Variants in INTS7 observed in about 807,000 individuals in gnomAD.
INTS7 encodes integrator complex subunit 7.
Under a neutral mutation model 109.2 loss-of-function variants are expected in INTS7, and 46 were observed. The observed-to-expected ratio is 0.42, with a 90% CI of 0.33 to 0.54. The LOEUF is 0.54. Among genes scored for constraint, INTS7 ranks in the 20% least tolerant of loss-of-function variants. INTS7 has a pLI of 0.07. For missense variants in INTS7, 929 were observed against 1,132.4 expected, an observed-to-expected ratio of 0.82 and a Z score of 2.58; for synonymous variants, 412 against 402.9, an observed-to-expected ratio of 1.02 and a Z score of -0.27.
rs534435847 is a variant in INTS7, at chr1:212,015,646, T to G, written c.509+1240A>C. On this transcript the variant is annotated intron_variant, in intron 4 of 19. Coordinates refer to ENST00000366994, the MANE Select transcript of INTS7 (RefSeq NM_015434.4). ...GTTTATCTGCTGACCTTCCCTCCAC[T>G]ATTGTCCTATGACCCTGCCAAATCC... is the stretch of plus-strand genomic sequence containing the variant. 2.3e-5 allele frequency among the ~76,000 whole-genome samples: 3 copies of G among 129,156 alleles called. No individual in the cohort carries two copies. The East Asian group carries it at 7.5e-4, about 32-fold the overall frequency. The allele number at this position is 129,156 out of a possible 152,430, so 84.7% of individuals were successfully genotyped here.
At chr1:212,015,098 C>T (rs188385942) in intron 4 of INTS7, among the ~76,000 whole-genome samples, 3,922 of 141,834 alleles carry the variant, frequency 0.028, 54 homozygotes, top group African/African-American at 0.058. Flanking sequence ...GGGGGCGGCC[C>T]CCGCCCGGGC....
intron 14 of INTS7, 126 bp downstream of exon 14, chr1:211,968,387 G>T: frequency 2.6e-6 from 2 of 764,708 alleles, no homozygotes; most frequent in Non-Finnish European, 4.1e-6. Flanking sequence ...CCAGACAGTT[G>T]AGTGAATAAA....
intron 16 of INTS7, among the ~76,000 whole-genome samples, chr1:211,958,876 A>AG (rs910738566): frequency 6.6e-6 from 1 of 152,212 alleles, no homozygotes. Flanking sequence ...GCTACCACCA[A>AG]GGGACCAGGA....
At chr1:211,955,932 A>T (rs753255091) in intron 16 of INTS7, among the ~76,000 whole-genome samples, 18 of 152,332 alleles carry the variant, frequency 1.2e-4, no homozygotes, top group South Asian at 4.1e-4. Flanking sequence ...TGTATGATGG[A>T]CTTTAAGGAC....
At chr1:211,968,456 A>C in intron 14 of INTS7, 57 bp downstream of exon 14, 1 of 1,426,504 alleles carries the variant, frequency 7.0e-7, no homozygotes, top group East Asian at 2.3e-5. Flanking sequence ...TTTTCATCTT[A>C]TAACTTCGAA....
At chr1:211,988,232 G>A (rs996294008) in intron 7 of INTS7, among the ~76,000 whole-genome samples, 2 of 151,954 alleles carry the variant, frequency 1.3e-5, no homozygotes, top group African/African-American at 4.8e-5. Flanking sequence ...AGACCAGCCT[G>A]GGCTCAAAGT....
intron 9 of INTS7, among the ~76,000 whole-genome samples, chr1:211,981,588 A>T (rs2993536): frequency 6.6e-6 from 1 of 152,142 alleles, no homozygotes; most frequent in Non-Finnish European, 1.5e-5. Flanking sequence ...TACCTAAGAT[A>T]TAACAGTTTT....
rs1662869684 is a variant in INTS7, at chr1:211,946,842, A to G, written c.2317-137T>C. Reference sequence around the variant, plus strand: ...ATACCAATCAAGAACTAGGCATCACATCCAGGAACTGTGCATACATACTAA... The same window carrying G: ...ATACCAATCAAGAACTAGGCATCACGTCCAGGAACTGTGCATACATACTAA... On this transcript the variant is annotated intron_variant, in intron 17 of 19. Transcript: ENST00000366994. This position sits in a 1 kb window ranked among gnomAD's most constrained non-coding sequence, Gnocchi z 4.3. 1.8e-6 allele frequency: 1 copy of G among 558,216 alleles called. No homozygotes were observed. Among genetic ancestry groups the G allele is most frequent in the South Asian group, 2.3e-5 (1 of 43,954 alleles). The allele number at this position is 558,216 out of a possible 1,614,324, so 34.6% of individuals were successfully genotyped here.
chr1:211,945,512 G>A (rs936763947), intron 18 of INTS7, among the ~76,000 whole-genome samples: 1 of 152,136 alleles, frequency 6.6e-6, no homozygotes, highest in African/African-American at 2.4e-5. Context: ...ATCAATTAAA[G>A]AAAGCCCAAG....
intron 17 of INTS7, among the ~76,000 whole-genome samples, chr1:211,950,487 G>GT (rs150230478): frequency 0.02 from 3,055 of 152,260 alleles, 31 homozygotes; most frequent in African/African-American, 0.026. Flanking sequence ...GGGCATGCTA[G>GT]TCTAGAACTC....
At chr1:211,954,714 C>T (rs1252820416) in intron 16 of INTS7, among the ~76,000 whole-genome samples, 6 of 151,724 alleles carry the variant, frequency 4.0e-5, no homozygotes, top group Admixed American at 6.6e-5. Flanking sequence ...TGTAGATATG[C>T]GGCATTATTT....
rs1288345320 is a variant in INTS7 at position 211,942,534 on chromosome 1, C to T, written c.2602-423G>A. Among the ~76,000 whole-genome samples the T allele has an allele frequency of 6.6e-6, 1 of 152,162 alleles. No individual in the cohort carries two copies. The highest frequency in any genetic ancestry group is 1.5e-5 in the Non-Finnish European group (1 of 68,034). ...AGAAATAGGATGAAATCACCTGTTC[C>T]AGAGAGTTTAAAACCTAAGAGACTG... On this transcript the variant is annotated intron_variant, in intron 19 of 19. Coordinates refer to ENST00000366994, the MANE Select transcript of INTS7 (RefSeq NM_015434.4). This position sits in a 1 kb window ranked among gnomAD's most constrained non-coding sequence, Gnocchi z 4.2.
chr1:212,015,622 T>A (rs566710649), intron 4 of INTS7, among the ~76,000 whole-genome samples: 2 of 147,524 alleles, frequency 1.4e-5, no homozygotes, highest in East Asian at 4.0e-4. Flanking sequence ...TGTTCACATG[T>A]TTATCTGCTG....
intron 7 of INTS7, among the ~76,000 whole-genome samples, chr1:211,996,954 G>C (rs923332792): frequency 1.3e-5 from 2 of 152,092 alleles, no homozygotes; most frequent in African/African-American, 2.4e-5. Flanking sequence ...AGCCTGGGGG[G>C]TCAAGACTGC....
At chr1:211,952,534 T>C (rs371499201) in intron 17 of INTS7, 35 bp downstream of exon 17, 29 of 1,603,022 alleles carry the variant, frequency 1.8e-5, no homozygotes, top group South Asian at 2.2e-5. Flanking sequence ...CCCACATCCA[T>C]ACAATAAAAG....
At position 211,996,750 on chromosome 1, in the gene INTS7, C is replaced by A. The variant is rs376646563; in HGVS notation, c.880-8747G>T. Among the ~76,000 whole-genome samples the A allele has an allele frequency of 3.8e-4, 58 of 152,236 alleles. 2 individuals carry two copies. In the South Asian group the frequency reaches 0.011, roughly 29 times the overall value. On this transcript the variant is annotated intron_variant, in intron 7 of 19. Transcript: ENST00000366994. Reference sequence around the variant, plus strand: ...ACTAAAAACCACCCATATGGCCTGGCGCAGTGGTACACGCCTATAACCCCA... The same window carrying A: ...ACTAAAAACCACCCATATGGCCTGGAGCAGTGGTACACGCCTATAACCCCA...
chr1:211,996,973 G>A (rs1283491370), intron 7 of INTS7, among the ~76,000 whole-genome samples: 4 of 152,114 alleles, frequency 2.6e-5, no homozygotes, highest in African/African-American at 4.8e-5. Flanking sequence ...GCAAAGAGCC[G>A]TGATCGCACC....
chr1:211,955,465 T>A (rs924480264), intron 16 of INTS7, among the ~76,000 whole-genome samples: 13 of 152,214 alleles, frequency 8.5e-5, no homozygotes, highest in Non-Finnish European at 1.5e-5. Flanking sequence ...CATCCCTGTC[T>A]TGTGCCAGTT....
chr1:212,032,268 G>T (rs775941691), intron 1 of INTS7, among the ~76,000 whole-genome samples: 7 of 152,056 alleles, frequency 4.6e-5, no homozygotes, highest in Non-Finnish European at 8.8e-5. Flanking sequence ...GATTGTTATA[G>T]TTGCCTTCTC....
Sources: gnomAD v4.1 joint callset for allele counts (sites outside exome capture counted in the v4.1 genomes callset) on GRCh38, gnomAD v4.1.1 for gene constraint, Gnocchi (gnomAD v3.1) non-coding constraint, MANE v1.5 for transcripts, NCBI Gene and HGNC (gene_info 2026-07-23, HGNC 2026-07-21) for gene names.